The following TTC7B variants were observed in gnomAD, a reference collection of about 807,000 sequenced individuals.
The protein encoded by TTC7B is tetratricopeptide repeat protein 7B.
In TTC7B, 28 loss-of-function variants were observed where a neutral mutation model predicts 106.8. The ratio of observed to expected loss-of-function variants is 0.26; its 90% CI spans 0.19 to 0.36. The LOEUF (loss-of-function observed/expected upper bound fraction) is 0.36. Among genes scored for constraint, TTC7B ranks in the 10% least tolerant of loss-of-function variants. The pLI is 1.00. For missense variants in TTC7B, 862 were observed against 1,076.4 expected, an observed-to-expected ratio of 0.80 and a Z score of 2.79; for synonymous variants, 405 against 430.6, an observed-to-expected ratio of 0.94 and a Z score of 0.74.
At position 90,782,905 on chromosome 14, in the gene TTC7B, T is replaced by C. The variant is rs148211013; in HGVS notation, c.277-1999A>G. Among the ~76,000 whole-genome samples the C allele has an allele frequency of 3.0e-4, 46 of 151,682 alleles. 1 individual carries two copies. In the East Asian group the frequency reaches 8.4e-3, roughly 28 times the overall value. On this transcript the variant is annotated intron_variant, in intron 2 of 19. Coordinates refer to ENST00000328459, the MANE Select transcript of TTC7B (RefSeq NM_001010854.2). ...ACTACACTGTACACTTACAAAGAGC[T>C]ATAATGTTAGGTTGTAAGTTATGTA...
intron 3 of TTC7B, among the ~76,000 whole-genome samples, chr14:90,778,352 C>T (rs7153346): frequency 0.27 from 41,048 of 152,178 alleles, 9,045 homozygotes; most frequent in African/African-American, 0.61. Flanking sequence ...TCCTTGCCCA[C>T]CTTTCATGGC....
At position 90,805,695 on chromosome 14, in the gene TTC7B, G is replaced by T. The variant is rs181828929; in HGVS notation, c.121+10480C>A. ...GAGGCTGCAATAACCAGCTCCCAAC[G>T]ACTTGTATACAGAGATAAAGCCTGA... On this transcript the variant is annotated intron_variant, in intron 1 of 19. Transcript: ENST00000328459. The surrounding 1 kb of genome is among the most constrained non-coding windows in gnomAD (Gnocchi z 4.0). Among the ~76,000 whole-genome samples, 1 of 152,218 alleles carries T rather than the reference G, an allele frequency of 6.6e-6. No individual in the cohort carries two copies. The highest frequency in any genetic ancestry group is 2.4e-5 in the African/African-American group (1 of 41,448).
chr14:90,774,261 G>C (rs12887818), intron 3 of TTC7B, among the ~76,000 whole-genome samples: 1 of 152,192 alleles, frequency 6.6e-6, no homozygotes, highest in Non-Finnish European at 1.5e-5. Flanking sequence ...AACAAGAGGG[G>C]AGGGGAAACA....
At chr14:90,603,875 G>C (rs756074770) in intron 17 of TTC7B, among the ~76,000 whole-genome samples, 1 of 152,114 alleles carries the variant, frequency 6.6e-6, no homozygotes, top group Non-Finnish European at 1.5e-5. Context: ...GTGGATTCTC[G>C]AGAGCTTCAG....
chr14:90,530,446 T>C lies in TTC7B; in HGVS notation c.*10922A>G, dbSNP rs995905440. Reference sequence around the variant, plus strand: ...CCCAAAAGATGCCTGCATCCTACTTTCTGGAACCTGTGAAGATGGTCACTT... The same window carrying C: ...CCCAAAAGATGCCTGCATCCTACTTCCTGGAACCTGTGAAGATGGTCACTT... On this transcript the variant is annotated 3_prime_UTR_variant, in exon 20 of 20. Coordinates refer to ENST00000328459, the MANE Select transcript of TTC7B (RefSeq NM_001010854.2). 9 of 152,300 alleles carry C rather than the reference T, an allele frequency of 5.9e-5. No homozygotes were observed. Among genetic ancestry groups the C allele is most frequent in the African/African-American group, 2.2e-4 (9 of 41,572 alleles). The allele number at this position is 152,300 out of a possible 1,614,324, so 9.4% of individuals were successfully genotyped here.
At chr14:90,804,691 T>C (rs893964739) in intron 1 of TTC7B, among the ~76,000 whole-genome samples, 2 of 152,182 alleles carry the variant, frequency 1.3e-5, no homozygotes, top group African/African-American at 4.8e-5. Flanking sequence ...CTTGGCCTGG[T>C]AGGCAGCATT....
rs765364113 is a variant in TTC7B, at chr14:90,578,068, T to G, written c.2310+38A>C. The stretch of plus-strand genomic sequence containing the variant: ...CTGCCGCTTCCAAGGGCTGTCCCCA[T>G]GCCAGAGTAGGGGCCACCGCCGGGC... On this transcript the variant is annotated intron_variant, in intron 19 of 19. Coordinates refer to ENST00000328459, the MANE Select transcript of TTC7B (RefSeq NM_001010854.2). This position sits in a 1 kb window ranked among gnomAD's most constrained non-coding sequence, Gnocchi z 4.7. 6.4e-6 allele frequency: 10 copies of G among 1,572,904 alleles called. No individual in the cohort carries two copies. The highest frequency in any genetic ancestry group is 8.6e-6 in the Non-Finnish European group (10 of 1,158,814).
intron 5 of TTC7B, among the ~76,000 whole-genome samples, chr14:90,701,568 ACT>A (rs1285608204): frequency 1.3e-5 from 2 of 151,368 alleles, no homozygotes; most frequent in Non-Finnish European, 2.9e-5. Context: ...TGTCCCCTCC[ACT>A]CCCCTAAGCT....
At chr14:90,571,774 G>T (rs1318592733) in intron 19 of TTC7B, among the ~76,000 whole-genome samples, 2 of 152,240 alleles carry the variant, frequency 1.3e-5, no homozygotes, top group East Asian at 1.9e-4. Flanking sequence ...CAGAGGAACA[G>T]AAGGGTTCAA....
intron 17 of TTC7B, among the ~76,000 whole-genome samples, chr14:90,604,097 AG>A (rs1475842331): frequency 6.6e-6 from 1 of 152,244 alleles, no homozygotes; most frequent in African/African-American, 2.4e-5. Flanking sequence ...AAAGGCTTAC[AG>A]GATCACAGGG....
intron 19 of TTC7B, among the ~76,000 whole-genome samples, chr14:90,559,155 G>A (rs567133999): frequency 5.3e-5 from 8 of 152,224 alleles, no homozygotes; most frequent in Non-Finnish European, 1.0e-4. Context: ...GGGCAAACGC[G>A]GAGCTTGGAG....
intron 15 of TTC7B, among the ~76,000 whole-genome samples, chr14:90,625,414 TCAC>T (rs1026709199): frequency 5.9e-5 from 9 of 152,216 alleles, no homozygotes; most frequent in African/African-American, 2.2e-4. Context: ...CAATTCATTT[TCAC>T]CACCATTTCT....
In TTC7B at chr14:90,529,579, C is replaced by G. The variant is rs1247515960; in HGVS notation, c.*11789G>C. The G allele has an allele frequency of 6.6e-6, 1 of 152,204 alleles. No individual in the cohort carries two copies. The highest frequency in any genetic ancestry group is 1.5e-5 in the Non-Finnish European group (1 of 68,048). 9.4% of individuals were successfully genotyped at this position (152,204 alleles called of 1,614,324 possible). A position where few individuals can be genotyped will look rare whatever the true frequency, so the allele number is the denominator to read the frequency against. ...ATTCTGGAGTCAGGCAACCTGGGTT[C>G]AAGGCCTGCTGTAGTATTACCCAAA... is the stretch of plus-strand genomic sequence containing the variant. On this transcript the variant is annotated 3_prime_UTR_variant, in exon 20 of 20. Coordinates refer to ENST00000328459, the MANE Select transcript of TTC7B (RefSeq NM_001010854.2).
chr14:90,695,023 ATG>A (rs796113046), intron 6 of TTC7B, among the ~76,000 whole-genome samples: 16,650 of 88,598 alleles, frequency 0.19, 317 homozygotes, highest in Middle Eastern at 0.3. Flanking sequence ...TTATAAATAT[ATG>A]TATATTTTTT....
intron 2 of TTC7B, among the ~76,000 whole-genome samples, chr14:90,783,081 C>T (rs1254830714): frequency 1.3e-5 from 2 of 152,214 alleles, no homozygotes; most frequent in Non-Finnish European, 2.9e-5. Flanking sequence ...CACCCAAGTA[C>T]AGGAAACAGC....
At chr14:90,607,245 A>G (rs889850561) in intron 17 of TTC7B, among the ~76,000 whole-genome samples, 1 of 152,244 alleles carries the variant, frequency 6.6e-6, no homozygotes. Flanking sequence ...TCACAAAGGA[A>G]TCTGCCTGCA....
chr14:90,541,582 A>T lies in TTC7B; in HGVS notation c.2318T>A (p.Ile773Asn). 3 of 1,594,452 alleles carry T rather than the reference A, an allele frequency of 1.9e-6. No homozygotes were observed. Among genetic ancestry groups the T allele is most frequent in the East Asian group, 2.2e-5 (1 of 44,572 alleles). The change falls in exon 20 of 20, where the codon ATC becomes AAC. Residue 773 changes from isoleucine (I) to asparagine (N), a missense_variant. Physicochemically the swap from Ile to Asn is moderately radical, Grantham distance 149. Coordinates refer to ENST00000328459, the MANE Select transcript of TTC7B (RefSeq NM_001010854.2). ...ACTGTAGCGGCCTAGCTGGTGAAGG[A>T]TCAGGGCCTGGAGAGGTCAGAGAGA... ...HVKSMQRLAL[I>N]LHQLGRYSLA...
chr14:90,767,044 A>G (rs774794264), intron 3 of TTC7B: 19,767 of 794,888 alleles, frequency 0.025, 272 homozygotes, highest in African/African-American at 0.084. Flanking sequence ...AAAAAAAAAA[A>G]AGAAAGAAAG....
At chr14:90,790,892 C>T (rs1404486736) in intron 1 of TTC7B, among the ~76,000 whole-genome samples, 1 of 152,054 alleles carries the variant, frequency 6.6e-6, no homozygotes, top group Non-Finnish European at 1.5e-5. Flanking sequence ...AAGGGCAAAC[C>T]AGGCTGAAGG....
Sources: gnomAD v4.1 joint callset for allele counts (sites outside exome capture counted in the v4.1 genomes callset) on GRCh38, gnomAD v4.1.1 for gene constraint, Gnocchi (gnomAD v3.1) non-coding constraint, MANE v1.5 for transcripts, NCBI Gene and HGNC (gene_info 2026-07-23, HGNC 2026-07-21) for gene names.